PDE4D: variants seen among roughly 807,000 people sequenced by gnomAD.
PDE4D encodes phosphodiesterase 4D.
PDE4D carries 24 observed loss-of-function variants against 87.4 expected under a neutral mutation model. The ratio of observed to expected loss-of-function variants is 0.27; its 90% CI spans 0.20 to 0.39. PDE4D has a LOEUF of 0.39. Among genes scored for constraint, PDE4D ranks in the 10% least tolerant of loss-of-function variants. The pLI is 1.00. For missense variants in PDE4D, 714 were observed against 1,041.0 expected, an observed-to-expected ratio of 0.69 and a Z score of 4.32; for synonymous variants, 384 against 383.2, an observed-to-expected ratio of 1.00 and a Z score of -0.02.
chr5:60,354,991 C>T (rs1373588605), intron 1 of PDE4D, among the ~76,000 whole-genome samples: 1 of 152,038 alleles, frequency 6.6e-6, no homozygotes, highest in Admixed American at 6.6e-5. Flanking sequence ...TTGCCATTCC[C>T]ACAGCAAACT....
chr5:59,056,559 G>C (rs557362840), intron 5 of PDE4D, among the ~76,000 whole-genome samples: 1 of 151,994 alleles, frequency 6.6e-6, no homozygotes, highest in Non-Finnish European at 1.5e-5. Flanking sequence ...TTTAAGACCC[G>C]CATGCATTCG....
chr5:60,275,165 C>T (rs1162262603), intron 1 of PDE4D, among the ~76,000 whole-genome samples: 3 of 152,142 alleles, frequency 2.0e-5, no homozygotes. Flanking sequence ...TTCAGAATCT[C>T]GCTGGATGGG....
chr5:59,189,241 T>TG lies in PDE4D; in HGVS notation c.685-3980_685-3979insC, dbSNP rs1440549201. On this transcript the variant is annotated intron_variant, in intron 3 of 14. Transcript: ENST00000340635. The stretch of plus-strand genomic sequence containing the variant: ...TAGTTGTTCCTACCCCGTTTTTTTT[T>TG]TTGTTTTTTTTGTTTTTTTTTTTTT... Among the ~76,000 whole-genome samples the TG allele has an allele frequency of 3.8e-4, 31 of 81,294 alleles. No individual in the cohort carries two copies. The South Asian group carries it at 6.8e-3, about 18-fold the overall frequency. 53.3% of individuals were successfully genotyped at this position (81,294 alleles called of 152,430 possible).
intron 1 of PDE4D, among the ~76,000 whole-genome samples, chr5:60,425,409 C>T (rs1454095877): frequency 6.6e-6 from 1 of 152,100 alleles, no homozygotes; most frequent in Non-Finnish European, 1.5e-5. Context: ...CTTTGACAAA[C>T]CTGACAAAAA....
intron 1 of PDE4D, among the ~76,000 whole-genome samples, chr5:59,452,673 C>T (rs572610858): frequency 6.6e-6 from 1 of 152,296 alleles, no homozygotes; most frequent in Non-Finnish European, 1.5e-5. Context: ...TAACAAAGGA[C>T]ATGGAAGTCT....
At chr5:60,459,819 A>G in intron 1 of PDE4D, 1 of 539,680 alleles carries the variant, frequency 1.9e-6, no homozygotes, top group South Asian at 2.2e-5. Flanking sequence ...AAATTTTTAA[A>G]CAGGAAAGTT....
chr5:60,426,334 G>T (rs1203424652), intron 1 of PDE4D, among the ~76,000 whole-genome samples: 1 of 152,176 alleles, frequency 6.6e-6, no homozygotes, highest in African/African-American at 2.4e-5. Flanking sequence ...TATATACCAT[G>T]GAATACTATG....
At chr5:59,163,107 C>CTT (rs534025246) in intron 5 of PDE4D, among the ~76,000 whole-genome samples, 37 of 129,834 alleles carry the variant, frequency 2.8e-4, no homozygotes, top group East Asian at 1.2e-3. Flanking sequence ...TGCCTGGCTA[C>CTT]TTTTTTTTTT....
At chr5:59,353,361 ATTT>A (rs33953218) in intron 1 of PDE4D, among the ~76,000 whole-genome samples, 24 of 147,486 alleles carry the variant, frequency 1.6e-4, no homozygotes, top group Middle Eastern at 3.5e-3. Context: ...GTTTTTCCCC[ATTT>A]TTTTTTTTTT....
intron 1 of PDE4D, among the ~76,000 whole-genome samples, chr5:59,331,226 G>GA (rs1355218171): frequency 6.6e-6 from 1 of 152,110 alleles, no homozygotes; most frequent in African/African-American, 2.4e-5. Context: ...AAATACCACA[G>GA]ACTTAGGTGG....
intron 1 of PDE4D, among the ~76,000 whole-genome samples, chr5:60,402,161 A>C (rs529161392): frequency 6.6e-6 from 1 of 152,330 alleles, no homozygotes; most frequent in East Asian, 1.9e-4. Flanking sequence ...TGAAATAGCA[A>C]TAATGTGAGA....
chr5:60,393,135 T>C (rs1018267530), intron 1 of PDE4D, among the ~76,000 whole-genome samples: 3 of 152,202 alleles, frequency 2.0e-5, no homozygotes, highest in Non-Finnish European at 4.4e-5. Flanking sequence ...CACCACCAGA[T>C]ATGTTCAAAT....
chr5:60,077,398 A>C (rs12656920), intron 2 of PDE4D, among the ~76,000 whole-genome samples: 75,419 of 152,022 alleles, frequency 0.5, 19,157 homozygotes, highest in East Asian at 0.83. Context: ...TGTGGGAGGC[A>C]ACAAGCATGC....
chr5:59,747,659 A>T (rs2150707115), intron 1 of PDE4D, among the ~76,000 whole-genome samples: 1 of 152,268 alleles, frequency 6.6e-6, no homozygotes, highest in South Asian at 2.1e-4. Flanking sequence ...CACAAAATAG[A>T]AGGAATTAAG....
At chr5:60,331,813 A>G (rs1757329872) in intron 1 of PDE4D, among the ~76,000 whole-genome samples, 1 of 152,168 alleles carries the variant, frequency 6.6e-6, no homozygotes, top group African/African-American at 2.4e-5. Context: ...AATTTTAAGG[A>G]ATAGTCTTTC....
At chr5:60,439,661 C>T (rs186745770) in intron 1 of PDE4D, among the ~76,000 whole-genome samples, 1 of 152,170 alleles carries the variant, frequency 6.6e-6, no homozygotes, top group East Asian at 1.9e-4. Context: ...TTTCTTTTCC[C>T]TAACATTTCT....
chr5:59,260,836 T>C (rs1867712), intron 1 of PDE4D, among the ~76,000 whole-genome samples: 41,225 of 151,102 alleles, frequency 0.27, 6,070 homozygotes, highest in Admixed American at 0.37. Context: ...TAAAATCTTA[T>C]AAGTAACGTT....
rs376008092 is a variant in PDE4D, at chr5:60,067,497, T to C, written c.43-78780A>G. Among the ~76,000 whole-genome samples, 52 of 152,208 alleles carry C rather than the reference T, an allele frequency of 3.4e-4. 1 individual carries two copies. Among genetic ancestry groups the C allele is most frequent in the African/African-American group, 1.0e-3 (43 of 41,560 alleles). ...ATGCCCCAAATTTAGAAATTCTAATTGAGTTTAAGAAAAGAAAGGAAAATT... is the reference window on the plus strand; with the variant it reads ...ATGCCCCAAATTTAGAAATTCTAATCGAGTTTAAGAAAAGAAAGGAAAATT... On this transcript the variant is annotated intron_variant, in intron 2 of 16. Transcript: ENST00000502484.
At chr5:59,726,354 CTTG>C (rs561865425) in intron 1 of PDE4D, among the ~76,000 whole-genome samples, 6 of 152,068 alleles carry the variant, frequency 3.9e-5, no homozygotes, top group Admixed American at 6.6e-5. Context: ...TCAAAATTCA[CTTG>C]TGGAAGCCCT....
Sources: allele counts gnomAD v4.1 joint callset (sites outside exome capture counted in the v4.1 genomes callset), GRCh38; gene constraint gnomAD v4.1.1; transcripts MANE v1.5; gene names NCBI Gene and HGNC (gene_info 2026-07-23, HGNC 2026-07-21).